RAPGEF4: variants seen among roughly 807,000 people sequenced by gnomAD.
RAPGEF4 encodes the protein Rap guanine nucleotide exchange factor 4, also known as RAP guanine-nucleotide-exchange factor (GEF) 4.
In RAPGEF4, 66 loss-of-function variants were observed where a neutral mutation model predicts 147.9. The ratio of observed to expected loss-of-function variants is 0.45; its 90% CI spans 0.37 to 0.55. RAPGEF4 has a LOEUF of 0.55. Ranked by LOEUF, RAPGEF4 falls within the 20% of genes least tolerant of loss-of-function variation. RAPGEF4 has a pLI of 0.00. For missense variants in RAPGEF4, 1,071 were observed against 1,257.3 expected, an observed-to-expected ratio of 0.85 and a Z score of 2.24; for synonymous variants, 419 against 442.7, an observed-to-expected ratio of 0.95 and a Z score of 0.67.
At chr2:172,795,295 A>G in intron 2 of RAPGEF4, 128 bp downstream of exon 2, 1 of 933,418 alleles carries the variant, frequency 1.1e-6, no homozygotes, top group Non-Finnish European at 1.6e-6. Flanking sequence ...AAAAGTATTA[A>G]GGTGACATTT....
intron 4 of RAPGEF4, among the ~76,000 whole-genome samples, chr2:172,843,415 C>T (rs1398052036): frequency 1.3e-5 from 2 of 152,204 alleles, no homozygotes; most frequent in African/African-American, 2.4e-5. Flanking sequence ...TGAGCTCCCA[C>T]AGTGAGTTCT....
chr2:173,017,396 T>C, intron 20 of RAPGEF4, 30 bp from the exon 21 acceptor site: 1 of 1,600,374 alleles, frequency 6.2e-7, no homozygotes, highest in Non-Finnish European at 8.6e-7. Context: ...TCACTGTCCC[T>C]TATGGCACTT....
At chr2:172,973,679 C>T (rs1690760436) in intron 10 of RAPGEF4, among the ~76,000 whole-genome samples, 1 of 152,174 alleles carries the variant, frequency 6.6e-6, no homozygotes, top group African/African-American at 2.4e-5. Flanking sequence ...TTTGGGGCAC[C>T]ACTGAAGAGT....
At chr2:173,003,015 A>T (rs1694086801) in intron 17 of RAPGEF4, among the ~76,000 whole-genome samples, 1 of 152,152 alleles carries the variant, frequency 6.6e-6, no homozygotes, top group Non-Finnish European at 1.5e-5. Context: ...TTGAGTTTAG[A>T]CTTGGTTTTT....
chr2:172,914,688 G>C (rs1441707145), intron 4 of RAPGEF4, among the ~76,000 whole-genome samples: 2 of 152,038 alleles, frequency 1.3e-5, no homozygotes, highest in Non-Finnish European at 2.9e-5. Context: ...GAATTACACA[G>C]ATATTTCCAA....
intron 4 of RAPGEF4, among the ~76,000 whole-genome samples, chr2:172,826,486 A>G (rs1689682366): frequency 6.6e-6 from 1 of 152,226 alleles, no homozygotes; most frequent in Admixed American, 6.5e-5. Context: ...CCAAATGCAA[A>G]TATTCTAAAA....
intron 15 of RAPGEF4, among the ~76,000 whole-genome samples, chr2:172,992,246 T>A (rs925619718): frequency 6.6e-6 from 1 of 152,232 alleles, no homozygotes; most frequent in African/African-American, 2.4e-5. Flanking sequence ...CATAGAAATT[T>A]CCTTATTATT....
chr2:172,878,624 T>C (rs1238522874), intron 4 of RAPGEF4, among the ~76,000 whole-genome samples: 1 of 152,140 alleles, frequency 6.6e-6, no homozygotes, highest in Non-Finnish European at 1.5e-5. Flanking sequence ...GCAGGTAAAG[T>C]AGACAGATGG....
intron 2 of RAPGEF4, among the ~76,000 whole-genome samples, chr2:172,796,169 T>A (rs1011984620): frequency 6.6e-6 from 1 of 152,022 alleles, no homozygotes; most frequent in Non-Finnish European, 1.5e-5. Context: ...GTCTAAAACC[T>A]GGGTTCAGTT....
chr2:172,877,929 G>A (rs1200926400), intron 4 of RAPGEF4, among the ~76,000 whole-genome samples: 1 of 152,162 alleles, frequency 6.6e-6, no homozygotes, highest in Non-Finnish European at 1.5e-5. Flanking sequence ...AGTATGTTTT[G>A]TTCTTTCACT....
At chr2:173,009,799 CTCTA>C (rs1249516279) in intron 17 of RAPGEF4, among the ~76,000 whole-genome samples, 2 of 152,160 alleles carry the variant, frequency 1.3e-5, no homozygotes, top group African/African-American at 4.8e-5. Flanking sequence ...TTCTGTGCCT[CTCTA>C]TCAGATTATG....
At chr2:172,978,904 A>G (rs1352533815) in intron 10 of RAPGEF4, among the ~76,000 whole-genome samples, 1 of 152,208 alleles carries the variant, frequency 6.6e-6, no homozygotes, top group Non-Finnish European at 1.5e-5. Context: ...AGCATGGCAG[A>G]CAAAAATCTG....
chr2:172,736,192 C>G (rs1056301990), intron 1 of RAPGEF4, 144 bp downstream of exon 1: 1 of 480,248 alleles, frequency 2.1e-6, no homozygotes, highest in Non-Finnish European at 3.3e-6. Context: ...TTGAGGTCCT[C>G]GTCCGGGAGA....
chr2:172,744,411 TG>T (rs1474119055), intron 1 of RAPGEF4: 8 of 456,404 alleles, frequency 1.8e-5, no homozygotes, highest in Non-Finnish European at 3.5e-5. Flanking sequence ...CCTACAGTAA[TG>T]GCTATGTTGA....
At chr2:172,904,333 A>G (rs1699390843) in intron 4 of RAPGEF4, among the ~76,000 whole-genome samples, 1 of 152,190 alleles carries the variant, frequency 6.6e-6, no homozygotes, top group Non-Finnish European at 1.5e-5. Context: ...AGTCCCATTT[A>G]TATGTTCACT....
At chr2:172,772,283 C>T (rs557522116) in intron 1 of RAPGEF4, among the ~76,000 whole-genome samples, 16 of 151,976 alleles carry the variant, frequency 1.1e-4, no homozygotes, top group African/African-American at 3.4e-4. Context: ...GTAGTTAAAA[C>T]AGAATAAAAT....
At chr2:172,748,326 G>A (rs1001304677) in intron 1 of RAPGEF4, among the ~76,000 whole-genome samples, 1 of 152,118 alleles carries the variant, frequency 6.6e-6, no homozygotes, top group African/African-American at 2.4e-5. Flanking sequence ...CCTGAGATGG[G>A]GTAATTTATG....
At chr2:172,821,567 C>G in intron 4 of RAPGEF4, 1 of 988,240 alleles carries the variant, frequency 1.0e-6, no homozygotes, top group Non-Finnish European at 1.2e-6. Flanking sequence ...TCTCTTGTCT[C>G]TCTCCTCACA....
intron 4 of RAPGEF4, among the ~76,000 whole-genome samples, chr2:172,818,124 G>A (rs1228650285): frequency 6.6e-6 from 1 of 151,604 alleles, no homozygotes; most frequent in Non-Finnish European, 1.5e-5. Context: ...TCATACGTGC[G>A]AGCTAAGCTA....
Sources: gnomAD v4.1 joint callset for allele counts (sites outside exome capture counted in the v4.1 genomes callset) on GRCh38, gnomAD v4.1.1 for gene constraint, MANE v1.5 for transcripts, NCBI Gene and HGNC (gene_info 2026-07-23, HGNC 2026-07-21) for gene names.